Variants in APBB2 observed in about 807,000 individuals in gnomAD.
The protein encoded by APBB2 is Fe65-like 1.
In APBB2, 38 loss-of-function variants were observed where a neutral mutation model predicts 82.5. The ratio of observed to expected loss-of-function variants is 0.46; its 90% CI spans 0.36 to 0.60. The LOEUF is 0.60. Ranked by LOEUF, APBB2 falls within the 20% of genes least tolerant of loss-of-function variation. APBB2 has a pLI of 0.00. For synonymous variants in APBB2, 341 were observed against 368.2 expected, an observed-to-expected ratio of 0.93 and a Z score of 0.85; for missense variants, 772 against 972.3, an observed-to-expected ratio of 0.79 and a Z score of 2.74.
At position 40,934,715 on chromosome 4, in the gene APBB2, A is replaced by C. The variant is rs766214134; in HGVS notation, c.1108-16T>G. 6.3e-7 allele frequency: 1 copy of C among 1,586,042 alleles called. No homozygotes were observed. Among genetic ancestry groups the C allele is most frequent in the Admixed American group, 1.7e-5 (1 of 59,766 alleles). On this transcript the variant is annotated splice_polypyrimidine_tract_variant and intron_variant, in intron 8 of 17. Transcript: ENST00000508593. Reference sequence around the variant, plus strand: ...CATGCAAATCCTAGAGGAAAATAGAACCTTGTTAATGTACAATGGGGGAGA... The same window carrying C: ...CATGCAAATCCTAGAGGAAAATAGACCCTTGTTAATGTACAATGGGGGAGA...
At chr4:40,856,546 C>T (rs1761244338) in intron 12 of APBB2, among the ~76,000 whole-genome samples, 1 of 152,206 alleles carries the variant, frequency 6.6e-6, no homozygotes, top group South Asian at 2.1e-4. Context: ...AAGGATATTG[C>T]TTTTAATCCA....
chr4:40,821,741 G>A lies in APBB2; in HGVS notation c.2112+130C>T, dbSNP rs541320523. ...TGATTCTGGCCCTAGGAATGACGGC[G>A]TTATAAAGTAAAGCATTACTTTAGG... On this transcript the variant is annotated intron_variant, in intron 17 of 17. Coordinates refer to ENST00000508593, the MANE Select transcript of APBB2 (RefSeq NM_004307.2). 64 of 1,057,430 alleles carry A rather than the reference G, an allele frequency of 6.1e-5. No individual in the cohort carries two copies. The African/African-American group carries it at 6.6e-4, about 11-fold the overall frequency. 65.5% of individuals were successfully genotyped at this position (1,057,430 alleles called of 1,614,324 possible). A position where few individuals can be genotyped will look rare whatever the true frequency, so the allele number is the denominator to read the frequency against.
intron 1 of APBB2, among the ~76,000 whole-genome samples, chr4:41,156,393 C>T (rs915004769): frequency 6.6e-6 from 1 of 152,192 alleles, no homozygotes; most frequent in Admixed American, 6.5e-5. Context: ...ACGAAATTAT[C>T]AGAGTTCCCG....
intron 1 of APBB2, among the ~76,000 whole-genome samples, chr4:41,159,193 A>G (rs1312741803): frequency 6.6e-6 from 1 of 152,226 alleles, no homozygotes; most frequent in Non-Finnish European, 1.5e-5. Context: ...TCTGTACAAG[A>G]GAAATGTATT....
At chr4:40,880,117 A>G (rs1768043912) in intron 12 of APBB2, 2 of 985,322 alleles carry the variant, frequency 2.0e-6, no homozygotes, top group East Asian at 1.1e-4. Context: ...GATGATCTCC[A>G]GTGCGGATGG....
rs755091636 is a variant in APBB2, at chr4:40,816,144, A to G, written c.2228T>C (p.Leu743Ser). Residue 743 changes from leucine (L) to serine (S), a missense_variant, in exon 18 of 18, where the codon TTA becomes TCA. By Grantham distance (145) the Leu-to-Ser change is moderately radical. Transcript: ENST00000508593. ...CTGTTTCAAAGTGTCAATGAGGGAT[A>G]AGACCCCTCGTTTTACATTGGTTGT... ...RVTTNVKRGV[L>S]SLIDTLKQKR... 5 of 1,614,036 alleles carry G rather than the reference A, an allele frequency of 3.1e-6. No homozygotes were observed. Among genetic ancestry groups the G allele is most frequent in the Non-Finnish European group, 3.4e-6 (4 of 1,180,040 alleles).
intron 12 of APBB2, among the ~76,000 whole-genome samples, chr4:40,864,430 A>G (rs1266130380): frequency 6.6e-6 from 1 of 152,152 alleles, no homozygotes; most frequent in Non-Finnish European, 1.5e-5. Context: ...CTTTATCTAA[A>G]AGGGATTGCC....
At position 40,930,834 on chromosome 4, in the gene APBB2, G is replaced by A. The variant is rs564462331; in HGVS notation, c.1254+3622C>T. ...ACAATCTCGGCTCACTGCAAGCTCC[G>A]CCTCCAGGGTTGACACCATTCTCCT... On this transcript the variant is annotated intron_variant, in intron 10 of 17. Coordinates refer to ENST00000508593, the MANE Select transcript of APBB2 (RefSeq NM_004307.2). Among the ~76,000 whole-genome samples, 246 of 152,210 alleles carry A rather than the reference G, an allele frequency of 1.6e-3. 2 individuals are homozygous for A. Among genetic ancestry groups the A allele is most frequent in the African/African-American group, 5.6e-3 (231 of 41,526 alleles).
At position 40,821,933 on chromosome 4, in the gene APBB2, G is replaced by C; in HGVS notation, c.2050C>G (p.His684Asp). 2 of 1,614,096 alleles carry C rather than the reference G, an allele frequency of 1.2e-6. No individual in the cohort carries two copies. Among genetic ancestry groups the C allele is most frequent in the Non-Finnish European group, 1.7e-6 (2 of 1,180,040 alleles). The change falls in exon 17 of 18, where the codon CAC becomes GAC. Residue 684 changes from histidine (H) to aspartate (D), a missense_variant. Physicochemically the swap from His to Asp is moderately conservative, Grantham distance 81. Transcript: ENST00000508593. ...GCATTAGGCTCGCACCAGAAAACGT[G>C]GCACTCAAAGCGCTGGTTCCCCGTG... ...MDTGNQRFEC[H>D]VFWCEPNAGN...
chr4:40,914,119 C>T (rs1433530371), intron 10 of APBB2, among the ~76,000 whole-genome samples: 1 of 151,872 alleles, frequency 6.6e-6, no homozygotes, highest in Non-Finnish European at 1.5e-5. Context: ...ACCTGTAATC[C>T]CAGCACTTTG....
At chr4:40,909,102 G>A (rs549321303) in intron 10 of APBB2, among the ~76,000 whole-genome samples, 5 of 152,354 alleles carry the variant, frequency 3.3e-5, no homozygotes, top group South Asian at 4.1e-4. Flanking sequence ...CAGTGGCCCT[G>A]CTCTTGCCCT....
chr4:40,884,203 A>T (rs1769540450), intron 12 of APBB2, among the ~76,000 whole-genome samples: 1 of 152,208 alleles, frequency 6.6e-6, no homozygotes, highest in Admixed American at 6.5e-5. Context: ...GCTCTGCCAC[A>T]AACTACATGG....
At chr4:41,206,551 G>C (rs1485385407) in intron 1 of APBB2, among the ~76,000 whole-genome samples, 2 of 152,200 alleles carry the variant, frequency 1.3e-5, no homozygotes, top group Non-Finnish European at 2.9e-5. Flanking sequence ...TTCTTGGAGA[G>C]GACAAGAGGT....
intron 4 of APBB2, among the ~76,000 whole-genome samples, chr4:41,055,561 C>T (rs1397427845): frequency 2.0e-5 from 3 of 152,150 alleles, no homozygotes; most frequent in Admixed American, 6.5e-5. Flanking sequence ...CTCTAGGACC[C>T]GCTCCACTGC....
At chr4:40,992,707 G>A (rs1802493178) in intron 6 of APBB2, among the ~76,000 whole-genome samples, 1 of 152,136 alleles carries the variant, frequency 6.6e-6, no homozygotes, top group Non-Finnish European at 1.5e-5. Flanking sequence ...GCGAGCAGGA[G>A]TATCACGAGC....
chr4:40,886,653 G>C (rs2154349298), intron 12 of APBB2, among the ~76,000 whole-genome samples: 1 of 152,298 alleles, frequency 6.6e-6, no homozygotes, highest in African/African-American at 2.4e-5. Context: ...ACTCACCTTT[G>C]AGACAGTAGC....
At chr4:41,045,907 G>A (rs1011730070) in intron 4 of APBB2, among the ~76,000 whole-genome samples, 1 of 152,044 alleles carries the variant, frequency 6.6e-6, no homozygotes, top group Non-Finnish European at 1.5e-5. Context: ...GGTAATCTCC[G>A]GGTGACAGGA....
intron 12 of APBB2, among the ~76,000 whole-genome samples, chr4:40,884,124 C>G (rs1418114340): frequency 6.6e-6 from 1 of 152,180 alleles, no homozygotes; most frequent in African/African-American, 2.4e-5. Context: ...GACCATTCAC[C>G]ATCTCTTGTC....
At chr4:41,020,002 A>C (rs1404820719) in intron 5 of APBB2, among the ~76,000 whole-genome samples, 2 of 152,228 alleles carry the variant, frequency 1.3e-5, no homozygotes, top group Admixed American at 1.3e-4. Context: ...AGACAGAGAG[A>C]CAGAAAGTCA....
Sources: allele counts gnomAD v4.1 joint callset (sites outside exome capture counted in the v4.1 genomes callset), GRCh38; gene constraint gnomAD v4.1.1; transcripts MANE v1.5; gene names NCBI Gene and HGNC (gene_info 2026-07-23, HGNC 2026-07-21).